SLC4A2: variants seen among roughly 807,000 people sequenced by gnomAD.
SLC4A2 encodes solute carrier family 4 member 2.
In SLC4A2, 36 loss-of-function variants were observed where a neutral mutation model predicts 115.0. That is an observed-to-expected ratio of 0.31 (90% CI 0.24 to 0.41). The LOEUF is 0.41. Ranked by LOEUF, SLC4A2 falls within the 10% of genes least tolerant of loss-of-function variation. The probability of loss-of-function intolerance (pLI) is 1.00; values close to 1 mark genes in which losing one functional copy is unlikely to be tolerated. For synonymous variants in SLC4A2, 708 were observed against 708.3 expected (o/e 1.00, Z 0.01); for missense variants, 1,252 against 1,705.6 (o/e 0.73, Z 4.68).
chr7:151,073,699 AG>A (rs1169782343), intron 16 of SLC4A2, among the ~76,000 whole-genome samples: 2 of 152,216 alleles, frequency 1.3e-5, no homozygotes, highest in Admixed American at 1.3e-4. Flanking sequence ...AAGGCTCCAG[AG>A]GTGACAGTCA....
chr7:151,074,709 C>T lies in SLC4A2; in HGVS notation c.2915C>T (p.Ala972Val), dbSNP rs147037103. 2.7e-4 allele frequency: 433 copies of T among 1,606,544 alleles called. No homozygotes were observed. Among genetic ancestry groups the T allele is most frequent in the Non-Finnish European group, 3.4e-4 (402 of 1,177,174 alleles). The change falls in exon 19 of 23, where the codon GCC becomes GTC. Residue 972 changes from alanine (A) to valine (V), a missense_variant. Ala to Val is a moderately conservative substitution (Grantham distance 64). Around this residue, in one of 14 missense-constraint regions of SLC4A2, gnomAD observed 253 missense variants for 407.4 expected, o/e 0.62. Coordinates refer to ENST00000413384, the MANE Select transcript of SLC4A2 (RefSeq NM_003040.4). ...GTTCCCAGTGGATTCTCGGTGACTG[C>T]CCCAGAAAAGAGGGGCTGGGTCATC... ...LSVPSGFSVTAPEKRGWVINP... is the reference protein window; with the variant it reads ...LSVPSGFSVTVPEKRGWVINP...
In SLC4A2 at chr7:151,066,657, G is replaced by A; in HGVS notation, c.719G>A (p.Arg240His). The change falls in exon 6 of 23, where the codon CGC (arginine) becomes CAC (histidine). Residue 240 changes from arginine (R) to histidine (H), a missense_variant. Arg to His is a conservative substitution (Grantham distance 29). Around this residue, in one of 14 missense-constraint regions of SLC4A2, gnomAD observed 42 missense variants for 93.1 expected, o/e 0.45. Transcript: ENST00000413384. ...HRSYNLQERRRIGSMTGAEQA... is the reference protein window; with the variant it reads ...HRSYNLQERRHIGSMTGAEQA... ...AGCTACAACCTTCAGGAGAGGAGGCGCATCGGGAGCATGACTGGGGCTGAG... is the reference window on the plus strand; with the variant it reads ...AGCTACAACCTTCAGGAGAGGAGGCACATCGGGAGCATGACTGGGGCTGAG... 6.4e-7 allele frequency: 1 copy of A among 1,550,846 alleles called. No homozygotes were observed. The highest frequency in any genetic ancestry group is 1.2e-5 in the South Asian group (1 of 84,068).
chr7:151,074,617 A>G (rs1188301077), intron 18 of SLC4A2, 58 bp from the exon 19 acceptor site: 4 of 1,572,836 alleles, frequency 2.5e-6, no homozygotes, highest in African/African-American at 2.7e-5. Flanking sequence ...TCCCCTTTCC[A>G]TGGCATGCCC....
Sources: allele counts gnomAD v4.1 joint callset (sites outside exome capture counted in the v4.1 genomes callset), GRCh38; gene constraint gnomAD v4.1.1; regional missense constraint gnomAD v4.1.1; transcripts MANE v1.5; gene names NCBI Gene and HGNC (gene_info 2026-07-23, HGNC 2026-07-21).